Variants in SMYD3 observed in about 807,000 individuals in gnomAD.
The protein encoded by SMYD3 is SET and MYND domain containing 3.
A neutral mutation model predicts 57.7 loss-of-function variants in SMYD3; 36 were observed. The ratio of observed to expected loss-of-function variants is 0.62; its 90% confidence interval spans 0.48 to 0.82. The LOEUF (loss-of-function observed/expected upper bound fraction) is 0.82. Ranked by LOEUF, SMYD3 falls within the 40% of genes least tolerant of loss-of-function variation. The pLI is 0.00. For missense variants in SMYD3, 515 were observed against 538.8 expected (o/e 0.96, Z 0.44); for synonymous variants, 211 against 195.0 (o/e 1.08, Z -0.68).
intron 1 of SMYD3, among the ~76,000 whole-genome samples, chr1:246,474,420 G>A (rs1157228723): frequency 6.6e-6 from 1 of 151,264 alleles, no homozygotes; most frequent in South Asian, 2.1e-4. Context: ...TCAGGAGGCT[G>A]AGGCAGGAGA....
At chr1:245,902,511 C>T (rs1470913673) in intron 8 of SMYD3, among the ~76,000 whole-genome samples, 1 of 152,170 alleles carries the variant, frequency 6.6e-6, no homozygotes, top group Non-Finnish European at 1.5e-5. Flanking sequence ...TGGGTCAACC[C>T]ATCTCCAGTG....
intron 2 of SMYD3, among the ~76,000 whole-genome samples, chr1:246,335,783 G>A (rs1355191290): frequency 6.6e-6 from 1 of 152,044 alleles, no homozygotes; most frequent in Non-Finnish European, 1.5e-5. Context: ...TGTATAAGAT[G>A]GTCTTGGAAC....
At chr1:246,105,593 A>C (rs1432449365) in intron 5 of SMYD3, among the ~76,000 whole-genome samples, 1 of 152,214 alleles carries the variant, frequency 6.6e-6, no homozygotes, top group East Asian at 1.9e-4. Flanking sequence ...AAGAAAGACT[A>C]AAGAGCATGT....
At chr1:246,471,746 T>C (rs1006787587) in intron 1 of SMYD3, among the ~76,000 whole-genome samples, 2 of 152,226 alleles carry the variant, frequency 1.3e-5, no homozygotes, top group African/African-American at 4.8e-5. Context: ...AAACACTTTA[T>C]ATCTTATCTA....
At chr1:246,313,580 A>G (rs2065113425) in intron 5 of SMYD3, among the ~76,000 whole-genome samples, 1 of 152,184 alleles carries the variant, frequency 6.6e-6, no homozygotes, top group Non-Finnish European at 1.5e-5. Flanking sequence ...CAAAACGAAA[A>G]CCAAATGTCA....
intron 1 of SMYD3, among the ~76,000 whole-genome samples, chr1:246,378,706 A>AT: frequency 2.0e-5 from 1 of 49,564 alleles, no homozygotes; most frequent in Non-Finnish European, 4.4e-5. Flanking sequence ...ACTCCCCTTT[A>AT]TATATATAAT....
chr1:245,955,177 C>A (rs192080978), intron 5 of SMYD3, among the ~76,000 whole-genome samples: 4 of 152,118 alleles, frequency 2.6e-5, no homozygotes, highest in Admixed American at 2.6e-4. Flanking sequence ...CTGCAAGTTC[C>A]GCCTCCCGGG....
chr1:246,099,090 A>G (rs190008405), intron 5 of SMYD3, among the ~76,000 whole-genome samples: 1 of 152,220 alleles, frequency 6.6e-6, no homozygotes, highest in East Asian at 1.9e-4. Context: ...ATCAGATTTA[A>G]TCTCTTTGGT....
At chr1:246,501,535 C>T (rs2068454841) in intron 1 of SMYD3, among the ~76,000 whole-genome samples, 1 of 152,186 alleles carries the variant, frequency 6.6e-6, no homozygotes, top group South Asian at 2.1e-4. Context: ...CACCATTTCT[C>T]TGACCACATG....
chr1:246,187,861 C>T (rs983275610), intron 5 of SMYD3, among the ~76,000 whole-genome samples: 10 of 151,966 alleles, frequency 6.6e-5, no homozygotes, highest in Non-Finnish European at 1.2e-4. Flanking sequence ...TTCATGTGAG[C>T]ACTTGTTGAC....
chr1:246,047,684 A>G (rs2059992856), intron 5 of SMYD3, among the ~76,000 whole-genome samples: 1 of 152,052 alleles, frequency 6.6e-6, no homozygotes, highest in Non-Finnish European at 1.5e-5. Context: ...AAAAAACACA[A>G]AAAAATCAGC....
At chr1:246,437,132 C>T (rs1049865119) in intron 1 of SMYD3, among the ~76,000 whole-genome samples, 1 of 152,118 alleles carries the variant, frequency 6.6e-6, no homozygotes, top group Non-Finnish European at 1.5e-5. Context: ...CTCCTGACCT[C>T]GGGTGATCCA....
rs573595718 is a variant in SMYD3, at chr1:245,999,325, T to C, written c.532-69388A>G. On this transcript the variant is annotated intron_variant, in intron 5 of 11. Coordinates refer to ENST00000490107, the MANE Select transcript of SMYD3 (RefSeq NM_001167740.2). The stretch of plus-strand genomic sequence containing the variant: ...TGCTGCCATATTAACTGCATGTAGA[T>C]AGTATTTACTCTGTGCCAGGAATTG... 5.6e-4 allele frequency among the ~76,000 whole-genome samples: 85 copies of C among 152,310 alleles called. No homozygotes were observed. The South Asian group carries it at 0.017, about 31-fold the overall frequency.
intron 1 of SMYD3, among the ~76,000 whole-genome samples, chr1:246,356,428 G>T (rs1431206843): frequency 2.0e-5 from 3 of 152,100 alleles, no homozygotes; most frequent in Non-Finnish European, 4.4e-5. Context: ...ACCAGCAATG[G>T]ATCCAAACCA....
intron 4 of SMYD3, among the ~76,000 whole-genome samples, chr1:246,329,753 T>G (rs1028213321): frequency 6.6e-6 from 1 of 152,144 alleles, no homozygotes; most frequent in Non-Finnish European, 1.5e-5. Flanking sequence ...AAATAATAAT[T>G]TATTACCATG....
At chr1:246,434,636 TCAAAA>T (rs1558463158) in intron 1 of SMYD3, among the ~76,000 whole-genome samples, 1 of 152,048 alleles carries the variant, frequency 6.6e-6, no homozygotes, top group Non-Finnish European at 1.5e-5. Flanking sequence ...TATTAAAAAG[TCAAAA>T]CAGAACAGAT....
chr1:246,466,184 T>C (rs1427773196), intron 1 of SMYD3, among the ~76,000 whole-genome samples: 1 of 152,228 alleles, frequency 6.6e-6, no homozygotes, highest in African/African-American at 2.4e-5. Context: ...ATCCCATTAC[T>C]TGGTATATGC....
At chr1:246,024,940 C>G (rs575548481) in intron 5 of SMYD3, among the ~76,000 whole-genome samples, 6 of 142,766 alleles carry the variant, frequency 4.2e-5, no homozygotes, top group African/African-American at 1.7e-4. Flanking sequence ...TGGACAGCAT[C>G]TAGGAAGAGA....
intron 10 of SMYD3, among the ~76,000 whole-genome samples, chr1:245,797,822 G>A (rs1383166970): frequency 3.4e-5 from 3 of 89,022 alleles, no homozygotes; most frequent in African/African-American, 1.1e-4. Context: ...AATTGCTTCC[G>A]GGTTCCAAAA....
Sources: gnomAD v4.1 joint callset for allele counts (sites outside exome capture counted in the v4.1 genomes callset) on GRCh38, gnomAD v4.1.1 for gene constraint, MANE v1.5 for transcripts, NCBI Gene and HGNC (gene_info 2026-07-23, HGNC 2026-07-21) for gene names.